The following PHACTR1 variants were observed in gnomAD, a reference collection of about 807,000 sequenced individuals.
PHACTR1 encodes phosphatase and actin regulator 1, also known as RPEL repeat containing 1.
A neutral mutation model predicts 69.2 loss-of-function variants in PHACTR1; 16 were observed. The observed-to-expected ratio is 0.23, with a 90% CI of 0.16 to 0.35. PHACTR1 has a LOEUF of 0.35. Among genes scored for constraint, PHACTR1 ranks in the 10% least tolerant of loss-of-function variants. The probability of loss-of-function intolerance (pLI) is 1.00; values close to 1 mark genes in which losing one functional copy is unlikely to be tolerated. For synonymous variants in PHACTR1, 312 were observed against 284.5 expected (o/e 1.10, Z -0.97); for missense variants, 510 against 734.7 (o/e 0.69, Z 3.54).
At chr6:13,097,881 G>A (rs1262433996) in intron 5 of PHACTR1, among the ~76,000 whole-genome samples, 1 of 152,052 alleles carries the variant, frequency 6.6e-6, no homozygotes, top group Non-Finnish European at 1.5e-5. Flanking sequence ...AGACAGGAAT[G>A]CCCCCAACTT....
At chr6:12,813,043 G>T (rs1399686296) in intron 4 of PHACTR1, among the ~76,000 whole-genome samples, 1 of 152,128 alleles carries the variant, frequency 6.6e-6, no homozygotes, top group Non-Finnish European at 1.5e-5. Context: ...TGGTTGTGAA[G>T]CTTTGTCAAC....
At chr6:12,785,496 C>T (rs1193794184) in intron 4 of PHACTR1, among the ~76,000 whole-genome samples, 1 of 152,214 alleles carries the variant, frequency 6.6e-6, no homozygotes, top group Middle Eastern at 3.2e-3. Flanking sequence ...CAAAGGTTGA[C>T]TAATCCCCAC....
chr6:12,756,993 T>A (rs1162264911), intron 4 of PHACTR1, among the ~76,000 whole-genome samples: 1 of 152,154 alleles, frequency 6.6e-6, no homozygotes, highest in Non-Finnish European at 1.5e-5. Context: ...CTTTCATGAA[T>A]TTTTACTACC....
At chr6:13,161,637 TCTA>T (rs1377727026) in intron 6 of PHACTR1, among the ~76,000 whole-genome samples, 1 of 152,206 alleles carries the variant, frequency 6.6e-6, no homozygotes, top group East Asian at 1.9e-4. Flanking sequence ...CCTCGTGTGT[TCTA>T]CTACAACGAG....
intron 10 of PHACTR1, among the ~76,000 whole-genome samples, chr6:13,231,448 G>A (rs1378277875): frequency 2.0e-5 from 2 of 99,730 alleles, no homozygotes; most frequent in Non-Finnish European, 5.3e-5. Context: ...AGGGAGGGAG[G>A]AAGGAAAGAA....
intron 4 of PHACTR1, among the ~76,000 whole-genome samples, chr6:12,750,560 G>A (rs1328651425): frequency 7.1e-6 from 1 of 140,812 alleles, no homozygotes; most frequent in Non-Finnish European, 1.5e-5. Context: ...AGGGGGGAAG[G>A]AAGGGAGGAG....
intron 5 of PHACTR1, among the ~76,000 whole-genome samples, chr6:13,146,922 G>A (rs1321963393): frequency 2.0e-5 from 3 of 152,190 alleles, no homozygotes; most frequent in African/African-American, 4.8e-5. Flanking sequence ...AAAAAAATTA[G>A]ATGTTATGAT....
At chr6:13,071,624 A>G (rs1008157063) in intron 5 of PHACTR1, among the ~76,000 whole-genome samples, 24 of 152,214 alleles carry the variant, frequency 1.6e-4, no homozygotes, top group Admixed American at 2.0e-4. Context: ...ATTTGGCCGT[A>G]GAAGACTATT....
chr6:12,858,673 A>G (rs1194779553), intron 4 of PHACTR1, among the ~76,000 whole-genome samples: 2 of 152,016 alleles, frequency 1.3e-5, no homozygotes, highest in African/African-American at 2.4e-5. Flanking sequence ...GTGTGTGCCT[A>G]TAGTCCCAGC....
At chr6:13,190,305 G>A (rs1409713664) in intron 7 of PHACTR1, among the ~76,000 whole-genome samples, 1 of 149,018 alleles carries the variant, frequency 6.7e-6, no homozygotes, top group Non-Finnish European at 1.5e-5. Context: ...AAAATGCTGG[G>A]ATTACAGGCG....
chr6:12,839,586 G>A (rs766922594), intron 4 of PHACTR1, among the ~76,000 whole-genome samples: 1 of 152,062 alleles, frequency 6.6e-6, no homozygotes, highest in Non-Finnish European at 1.5e-5. Flanking sequence ...CCTCATAGGG[G>A]TACCAGGATT....
At chr6:13,064,606 C>A (rs4574636) in intron 5 of PHACTR1, among the ~76,000 whole-genome samples, 5,180 of 12,460 alleles carry the variant, frequency 0.42, 1,397 homozygotes, top group East Asian at 0.6. Flanking sequence ...ATATATATAT[C>A]TATATATCTA....
Position 13,205,900 on chromosome 6 carries a change from C to G in PHACTR1, c.750C>G (p.Pro250=). Residue 250 remains proline, a synonymous_variant, in exon 8 of 15, where the codon CCC becomes CCG. Transcript: ENST00000332995. ...CAAAGAAAGTCATGATCTGTATGCC[C>G]GTGGGGGGGCCAGACCTCTCACTGG... is the stretch of plus-strand genomic sequence containing the variant. ...LPPKKVMICM[P]VGGPDLSLVS... 2 of 1,613,652 alleles carry G rather than the reference C, an allele frequency of 1.2e-6. No individual in the cohort carries two copies. The highest frequency in any genetic ancestry group is 1.7e-6 in the Non-Finnish European group (2 of 1,179,614).
intron 5 of PHACTR1, among the ~76,000 whole-genome samples, chr6:13,104,044 G>A (rs1937773): frequency 0.24 from 36,298 of 152,048 alleles, 4,712 homozygotes; most frequent in African/African-American, 0.33. Context: ...AGATCGCACT[G>A]CTGCACTCCA....
chr6:12,770,748 G>A (rs757907381), intron 4 of PHACTR1, among the ~76,000 whole-genome samples: 1 of 152,166 alleles, frequency 6.6e-6, no homozygotes, highest in Non-Finnish European at 1.5e-5. Flanking sequence ...GAAGGTGAAT[G>A]TGATGTAGCA....
Position 12,746,308 on chromosome 6 carries a change from C to T in PHACTR1, c.104-3336C>T, listed in dbSNP as rs936810325. 4.6e-5 allele frequency among the ~76,000 whole-genome samples: 7 copies of T among 152,112 alleles called. No individual in the cohort carries two copies. The South Asian group carries it at 8.3e-4, about 18-fold the overall frequency. On this transcript the variant is annotated intron_variant, in intron 3 of 14. Coordinates refer to ENST00000332995, the MANE Select transcript of PHACTR1 (RefSeq NM_030948.6). The stretch of plus-strand genomic sequence containing the variant: ...CAACACTTTGGGAGGCTGAATTGGG[C>T]GGATTGCTTGAAACCAGGAGTTTGA...
intron 4 of PHACTR1, among the ~76,000 whole-genome samples, chr6:12,847,780 C>G (rs1247137022): frequency 6.6e-6 from 1 of 151,952 alleles, no homozygotes; most frequent in Non-Finnish European, 1.5e-5. Context: ...TTTCCAAAGG[C>G]AGGAAAACAG....
intron 4 of PHACTR1, among the ~76,000 whole-genome samples, chr6:12,980,092 G>A (rs1282950338): frequency 6.6e-6 from 1 of 152,152 alleles, no homozygotes; most frequent in Non-Finnish European, 1.5e-5. Context: ...GGAGATCCTG[G>A]TCAAATTATT....
At chr6:13,255,738 CCACACTGGTGTGGATGGTGGG>C (rs1775095333) in intron 10 of PHACTR1, among the ~76,000 whole-genome samples, 1 of 152,252 alleles carries the variant, frequency 6.6e-6, no homozygotes, top group Non-Finnish European at 1.5e-5. Flanking sequence ...CACATCCCAG[CCACACTGGTGTGGATGGTGGG>C]CACCCAAAGC....
Sources: allele counts gnomAD v4.1 joint callset (sites outside exome capture counted in the v4.1 genomes callset), GRCh38; gene constraint gnomAD v4.1.1; transcripts MANE v1.5; gene names NCBI Gene and HGNC (gene_info 2026-07-23, HGNC 2026-07-21).